The following ATP13A3 variants were observed in gnomAD, a reference collection of about 807,000 sequenced individuals.
The protein encoded by ATP13A3 is polyamine-transporting ATPase 13A3.
In ATP13A3, 59 loss-of-function variants were observed where a neutral mutation model predicts 158.1. That is an observed-to-expected ratio of 0.37 (90% CI 0.30 to 0.46). The LOEUF (loss-of-function observed/expected upper bound fraction) is 0.46. Ranked by LOEUF, ATP13A3 falls within the 20% of genes least tolerant of loss-of-function variation. The pLI, the probability that ATP13A3 is intolerant of heterozygous loss-of-function variation, is 1.00. For synonymous variants in ATP13A3, 491 were observed against 504.3 expected (o/e 0.97, Z 0.35); for missense variants, 1,166 against 1,525.2 (o/e 0.76, Z 3.92).
chr3:194,462,088 T>A, intron 3 of ATP13A3, 52 bp downstream of exon 3: 1 of 1,561,116 alleles, frequency 6.4e-7, no homozygotes, highest in South Asian at 1.1e-5. Context: ...AAATAATAAA[T>A]TGCAGAGATA....
upstream of ATP13A3, among the ~76,000 whole-genome samples, chr3:194,491,388 C>G (rs1021638552): frequency 2.0e-5 from 3 of 152,114 alleles, no homozygotes; most frequent in East Asian, 5.8e-4. Context: ...ACACCTCCCT[C>G]TCCTTCACCA....
chr3:194,454,348 C>T lies in ATP13A3; in HGVS notation c.675G>A (p.Leu225=). ...FYIFQLFSVI[L]WSTDEYYYYA... is the part of the protein sequence containing the mutation. Reference sequence around the variant, plus strand: ...AGTAATAGTATTCATCAGTGCTCCACAGTATAACACTGAACAGCTGGAAAA... The same window carrying T: ...AGTAATAGTATTCATCAGTGCTCCATAGTATAACACTGAACAGCTGGAAAA... Residue 225 remains leucine, a synonymous_variant, in exon 9 of 34, where the codon CTG becomes CTA. Transcript: ENST00000645319. 1 of 1,610,868 alleles carries T rather than the reference C, an allele frequency of 6.2e-7. No individual in the cohort carries two copies. Among genetic ancestry groups the T allele is most frequent in the African/African-American group, 1.3e-5 (1 of 74,920 alleles).
chr3:194,434,733 A>C (rs371009881), intron 20 of ATP13A3, among the ~76,000 whole-genome samples: 1 of 152,224 alleles, frequency 6.6e-6, no homozygotes, highest in African/African-American at 2.4e-5. Flanking sequence ...CCTGGGCAGC[A>C]TAGTGAGACC....
intron 2 of ATP13A3, among the ~76,000 whole-genome samples, chr3:194,463,658 A>G (rs556274235): frequency 6.6e-6 from 1 of 152,226 alleles, no homozygotes; most frequent in Non-Finnish European, 1.5e-5. Flanking sequence ...TACCCAGTGC[A>G]CAGCAGGCTT....
chr3:194,433,263 G>A (rs1381483341), intron 21 of ATP13A3, among the ~76,000 whole-genome samples: 1 of 137,478 alleles, frequency 7.3e-6, no homozygotes, highest in Non-Finnish European at 1.5e-5. Flanking sequence ...TTGAGACGGA[G>A]TCTCGCTCTG....
At chr3:194,413,230 G>A (rs1356234753) in intron 32 of ATP13A3, among the ~76,000 whole-genome samples, 3 of 152,138 alleles carry the variant, frequency 2.0e-5, no homozygotes, top group African/African-American at 7.2e-5. Flanking sequence ...ACCTCTAGAG[G>A]TCACTCAAAA....
intron 15 of ATP13A3, among the ~76,000 whole-genome samples, chr3:194,444,250 G>A (rs1718240919): frequency 6.6e-6 from 1 of 152,142 alleles, no homozygotes; most frequent in Non-Finnish European, 1.5e-5. Context: ...TTGCAACAGT[G>A]CAGAGAAAAA....
rs71179358 is a variant in ATP13A3, at chr3:194,409,693, A to ATTTTTTTTT, written c.3573+2497_3573+2505dup. Among the ~76,000 whole-genome samples, 279 of 93,972 alleles carry ATTTTTTTTT rather than the reference A, an allele frequency of 3.0e-3. 36 individuals carry two copies. The highest frequency in any genetic ancestry group is 0.012 in the African/African-American group (249 of 20,330). 61.6% of individuals were successfully genotyped at this position (93,972 alleles called of 152,430 possible). A position where few individuals can be genotyped will look rare whatever the true frequency, so the allele number is the denominator to read the frequency against. ...TGCTTGATAATCACTGACGTAAAGA[A>ATTTTTTTTT]TTTTTTTTTTTTTTTTTTTTTTTTT... On this transcript the variant is annotated intron_variant, in intron 33 of 33. Transcript: ENST00000645319.
rs186240701 is a variant in ATP13A3 at position 194,405,327 on chromosome 3, T to C, written c.*592A>G. 4.6e-5 allele frequency: 7 copies of C among 152,368 alleles called. No homozygotes were observed. Among genetic ancestry groups the C allele is most frequent in the African/African-American group, 1.7e-4 (7 of 41,564 alleles). The allele number at this position is 152,368 out of a possible 1,614,324, so 9.4% of individuals were successfully genotyped here. A position where few individuals can be genotyped will look rare whatever the true frequency, so the allele number is the denominator to read the frequency against. Reference sequence around the variant, plus strand: ...AAACCAGAAATGGAGATTACCTGAGTTGTTCTATAAGCAACACCATAAACA... The same window carrying C: ...AAACCAGAAATGGAGATTACCTGAGCTGTTCTATAAGCAACACCATAAACA... On this transcript the variant is annotated 3_prime_UTR_variant, in exon 34 of 34. Transcript: ENST00000645319.
intron 30 of ATP13A3, among the ~76,000 whole-genome samples, chr3:194,422,059 C>T (rs1716429444): frequency 6.6e-6 from 1 of 151,548 alleles, no homozygotes; most frequent in Non-Finnish European, 1.5e-5. Context: ...GATCCCACCT[C>T]TAAAAATCTG....
At chr3:194,416,541 A>G (rs1715869329) in intron 31 of ATP13A3, among the ~76,000 whole-genome samples, 1 of 152,214 alleles carries the variant, frequency 6.6e-6, no homozygotes, top group Non-Finnish European at 1.5e-5. Context: ...AACCTGATAA[A>G]GACTATACAC....
At chr3:194,435,646 C>T (rs550741071) in intron 20 of ATP13A3, among the ~76,000 whole-genome samples, 2 of 152,162 alleles carry the variant, frequency 1.3e-5, no homozygotes, top group African/African-American at 2.4e-5. Flanking sequence ...CAGTGGCTCA[C>T]GCCTGTAATC....
At position 194,460,697 on chromosome 3, in the gene ATP13A3, A is replaced by T; in HGVS notation, c.186T>A (p.Ala62=). The T allele has an allele frequency of 6.2e-7, 1 of 1,614,156 alleles. No homozygotes were observed. The highest frequency in any genetic ancestry group is 1.1e-5 in the South Asian group (1 of 91,074). ...EWRVKATCVR[A]AIKDCEVVLL... is the part of the protein sequence containing the mutation. Reference sequence around the variant, plus strand: ...GCACTACTTCACAGTCTTTAATTGCAGCTCTGACACAGGTCGCTTTCACCC... The same window carrying T: ...GCACTACTTCACAGTCTTTAATTGCTGCTCTGACACAGGTCGCTTTCACCC... Residue 62 remains alanine, a synonymous_variant, in exon 4 of 34, where the codon GCT becomes GCA. Coordinates refer to ENST00000645319, the MANE Select transcript of ATP13A3 (RefSeq NM_001367549.1).
chr3:194,431,471 G>A (rs990613983), intron 22 of ATP13A3, among the ~76,000 whole-genome samples: 7 of 152,156 alleles, frequency 4.6e-5, no homozygotes, highest in East Asian at 1.9e-4. Context: ...TGAAGAATAC[G>A]ATAAACATCT....
chr3:194,446,530 T>A (rs1370527342), intron 14 of ATP13A3, among the ~76,000 whole-genome samples: 1 of 152,222 alleles, frequency 6.6e-6, no homozygotes, highest in East Asian at 1.9e-4. Flanking sequence ...AATAATTACC[T>A]TACTTGTTTT....
intron 20 of ATP13A3, among the ~76,000 whole-genome samples, chr3:194,436,558 A>T (rs540556989): frequency 6.6e-6 from 1 of 152,380 alleles, no homozygotes; most frequent in East Asian, 1.9e-4. Context: ...AACAGTTTCA[A>T]AGAGCTCTAA....
In ATP13A3 at chr3:194,432,484, G is replaced by A. The variant is rs146926826; in HGVS notation, c.2246-592C>T. On this transcript the variant is annotated intron_variant, in intron 21 of 33. Transcript: ENST00000645319. ...CCCACTGCTACCAAAACAGAAGAGC[G>A]AGATATTTCTTTCCTCAATTTCCAC... Among the ~76,000 whole-genome samples the A allele has an allele frequency of 5.8e-4, 89 of 152,274 alleles. 1 individual carries two copies. The highest frequency in any genetic ancestry group is 4.2e-3 in the East Asian group (22 of 5,192).
intron 2 of ATP13A3, among the ~76,000 whole-genome samples, chr3:194,472,818 T>A (rs1171029820): frequency 2.6e-5 from 4 of 152,162 alleles, no homozygotes; most frequent in Admixed American, 2.6e-4. Context: ...TATGCAGCCA[T>A]AAAAAATAAT....
rs1206678033 is a variant in ATP13A3 at position 194,413,763 on chromosome 3, A to G, written c.3479T>C (p.Val1160Ala). ...TTTGACTATGGAAGTGCTTACCTCC[A>G]CTGTGATAGACACAAAGGCATTGAC... ...VLVNAFVSIT[V>A]ENFFLDMVLW... The change falls in exon 32 of 34, where the codon GTG (valine) becomes GCG (alanine). Residue 1160 changes from valine to alanine, a missense_variant. Around this residue, in one of 3 missense-constraint regions of ATP13A3, gnomAD observed 997 missense variants for 1,341.2 expected, o/e 0.74. Transcript: ENST00000645319. 6.2e-7 allele frequency: 1 copy of G among 1,612,368 alleles called. No individual in the cohort carries two copies. Among genetic ancestry groups the G allele is most frequent in the Non-Finnish European group, 8.5e-7 (1 of 1,178,416 alleles).
Sources: gnomAD v4.1 joint callset for allele counts (sites outside exome capture counted in the v4.1 genomes callset) on GRCh38, gnomAD v4.1.1 for gene constraint, gnomAD v4.1.1 regional missense constraint, MANE v1.5 for transcripts, NCBI Gene and HGNC (gene_info 2026-07-23, HGNC 2026-07-21) for gene names.